The following MYO10 variants were observed in gnomAD, a reference collection of about 807,000 sequenced individuals.
The protein encoded by MYO10 is unconventional myosin-X.
MYO10 carries 133 observed loss-of-function variants against 257.3 expected under a neutral mutation model. That is an observed-to-expected ratio of 0.52 (90% CI 0.45 to 0.60). MYO10 has a LOEUF of 0.60. Ranked by LOEUF, MYO10 falls within the 20% of genes least tolerant of loss-of-function variation. The probability of loss-of-function intolerance (pLI) is 0.00; values close to 1 mark genes in which losing one functional copy is unlikely to be tolerated. For synonymous variants in MYO10, 1,104 were observed against 1,028.6 expected (o/e 1.07, Z -1.40); for missense variants, 2,399 against 2,635.7 (o/e 0.91, Z 1.97).
chr5:16,867,686 G>C (rs1027698488), intron 2 of MYO10, among the ~76,000 whole-genome samples: 1 of 152,224 alleles, frequency 6.6e-6, no homozygotes, highest in African/African-American at 2.4e-5. Flanking sequence ...ATTGCTTTAA[G>C]TGGGAGCTGT....
intron 2 of MYO10, among the ~76,000 whole-genome samples, chr5:16,852,510 T>A (rs1743839412): frequency 6.6e-6 from 1 of 151,916 alleles, no homozygotes. Context: ...TAGACACTAA[T>A]CAAATTTCTT....
rs1738588161 is a variant in MYO10 at position 16,711,180 on chromosome 5, A to G, written c.1995T>C (p.Thr665=). The change falls in exon 20 of 41, where the codon ACT becomes ACC. Residue 665 remains threonine (T), a synonymous_variant. Coordinates refer to ENST00000513610, the MANE Select transcript of MYO10 (RefSeq NM_012334.3). ...CATACCCAGCTTTGCGGATTCTCAC[A>G]GTCTCCAGCATCCCTGAGTACCGCA... ...NQLRYSGMLE[T]VRIRKAGYAV... 1.2e-6 allele frequency: 2 copies of G among 1,613,604 alleles called. No individual in the cohort carries two copies. Among genetic ancestry groups the G allele is most frequent in the Non-Finnish European group, 1.7e-6 (2 of 1,179,800 alleles).
chr5:16,885,192 CT>C lies in MYO10; in HGVS notation c.22-7486del, dbSNP rs57492208. ...CTCTTCCTCCTCTCTGTCCACTCTG[CT>C]TTTTTTTTTTTTTAAGGGAGAGCCG... On this transcript the variant is annotated intron_variant, in intron 1 of 40. Transcript: ENST00000513610. 9.1e-3 allele frequency among the ~76,000 whole-genome samples: 1,307 copies of C among 142,930 alleles called. 10 individuals are homozygous for C. The highest frequency in any genetic ancestry group is 0.02 in the African/African-American group (791 of 39,292). The allele number at this position is 142,930 out of a possible 152,430, so 93.8% of individuals were successfully genotyped here.
chr5:16,733,598 A>G (rs1237545832), intron 19 of MYO10, among the ~76,000 whole-genome samples: 1 of 142,320 alleles, frequency 7.0e-6, no homozygotes, highest in Non-Finnish European at 1.5e-5. Flanking sequence ...TGAGCTGCGC[A>G]TCCTAGGAGT....
chr5:16,766,309 A>G (rs747865003), intron 10 of MYO10, 111 bp from the exon 11 acceptor site: 31 of 762,932 alleles, frequency 4.1e-5, no homozygotes, highest in Admixed American at 2.6e-4. Context: ...CAGAGTTTAG[A>G]GATTGCATGT....
intron 1 of MYO10, among the ~76,000 whole-genome samples, chr5:16,891,380 G>GAAGGAAGA (rs1491574952): frequency 1.8e-5 from 2 of 113,170 alleles, no homozygotes; most frequent in Non-Finnish European, 3.6e-5. Context: ...AGGAAGGAAG[G>GAAGGAAGA]AGAGAGAGAG....
chr5:16,843,667 T>G (rs552563959), intron 2 of MYO10, among the ~76,000 whole-genome samples: 1 of 152,306 alleles, frequency 6.6e-6, no homozygotes, highest in Non-Finnish European at 1.5e-5. Context: ...TTGCTAAAAA[T>G]CAAGTTAAAA....
At chr5:16,674,463 C>CT (rs925847635) in intron 35 of MYO10, among the ~76,000 whole-genome samples, 1 of 151,928 alleles carries the variant, frequency 6.6e-6, no homozygotes, top group Non-Finnish European at 1.5e-5. Context: ...GAGCAAAACT[C>CT]TGTCTCAAAA....
At chr5:16,760,852 T>A (rs1210327485) in intron 17 of MYO10, among the ~76,000 whole-genome samples, 1 of 152,170 alleles carries the variant, frequency 6.6e-6, no homozygotes, top group Non-Finnish European at 1.5e-5. Flanking sequence ...CAGCTTTAAC[T>A]GCTTCAAGGC....
intron 3 of MYO10, among the ~76,000 whole-genome samples, chr5:16,800,517 T>C (rs1742090377): frequency 6.6e-6 from 1 of 152,238 alleles, no homozygotes; most frequent in African/African-American, 2.4e-5. Context: ...CATGTGCTCG[T>C]GGGTTCTTTA....
chr5:16,814,267 G>C (rs943286098), intron 3 of MYO10, among the ~76,000 whole-genome samples: 1 of 151,972 alleles, frequency 6.6e-6, no homozygotes, highest in Admixed American at 6.6e-5. Flanking sequence ...TCAGCCTCCC[G>C]AGTACCTAGG....
rs58734314 is a variant in MYO10 at position 16,875,110 on chromosome 5, A to G, written c.120+2499T>C. Reference sequence around the variant, plus strand: ...TCCCCCTGGGTCCCTCCCACAACACATGGGAATTCTGAGAGATACAATTCA... The same window carrying G: ...TCCCCCTGGGTCCCTCCCACAACACGTGGGAATTCTGAGAGATACAATTCA... On this transcript the variant is annotated intron_variant, in intron 2 of 40. Transcript: ENST00000513610. Among the ~76,000 whole-genome samples, 85 of 152,280 alleles carry G rather than the reference A, an allele frequency of 5.6e-4. 3 individuals carry two copies. The East Asian group carries it at 0.015, about 27-fold the overall frequency.
intron 23 of MYO10, 69 bp from the exon 24 acceptor site, chr5:16,702,657 C>T (rs979864050): frequency 1.5e-5 from 22 of 1,445,548 alleles, no homozygotes; most frequent in African/African-American, 8.5e-5. Flanking sequence ...GAGAGATCTA[C>T]GTTTTTAAAA....
At chr5:16,782,860 C>T (rs1294337187) in intron 5 of MYO10, among the ~76,000 whole-genome samples, 2 of 152,142 alleles carry the variant, frequency 1.3e-5, no homozygotes, top group Admixed American at 1.3e-4. Context: ...ACGAGAGGCC[C>T]GTTCTGCTCA....
At position 16,769,154 on chromosome 5, in the gene MYO10, G is replaced by A. The variant is rs534922308; in HGVS notation, c.980C>T (p.Ser327Leu). ...QFSKEEVREV[S>L]RLLAGILHLG... The stretch of plus-strand genomic sequence containing the variant: ...ATGCAGTATACCAGCAAGCAGCCTC[G>A]ACACTTCCCGAACTTCCTCCTTGCT... The change falls in exon 10 of 41, where the codon TCG becomes TTG. Residue 327 changes from serine to leucine, a missense_variant. Around this residue, in one of 3 missense-constraint regions of MYO10, gnomAD observed 337 missense variants for 446.8 expected, o/e 0.75. Transcript: ENST00000513610. 2.9e-5 allele frequency: 47 copies of A among 1,612,518 alleles called. No individual in the cohort carries two copies. The highest frequency in any genetic ancestry group is 2.1e-4 in the South Asian group (19 of 90,598).
intron 1 of MYO10, among the ~76,000 whole-genome samples, chr5:16,922,795 C>T (rs1746025531): frequency 6.6e-6 from 1 of 152,182 alleles, no homozygotes; most frequent in South Asian, 2.1e-4. Flanking sequence ...CTCTGGGACG[C>T]TGAGGAGGGA....
intron 2 of MYO10, among the ~76,000 whole-genome samples, chr5:16,822,976 C>T (rs1173794977): frequency 3.3e-5 from 5 of 151,890 alleles, no homozygotes; most frequent in Admixed American, 6.6e-5. Context: ...CGTGAGCCAC[C>T]GCACCCGGCC....
Position 16,792,595 on chromosome 5 carries a change from G to A in MYO10, c.467+2051C>T, listed in dbSNP as rs1051297183. Among the ~76,000 whole-genome samples the A allele has an allele frequency of 1.3e-4, 19 of 151,514 alleles. 1 individual carries two copies. The highest frequency in any genetic ancestry group is 1.0e-3 in the Admixed American group (16 of 15,240). ...CTCCCCACAGGAGCGGGGGGCGGGG[G>A]GCTGCTCTAAGTGCTCTGGGGTGAA... On this transcript the variant is annotated intron_variant, in intron 4 of 40. Coordinates refer to ENST00000513610, the MANE Select transcript of MYO10 (RefSeq NM_012334.3).
chr5:16,794,539 G>A lies in MYO10; in HGVS notation c.467+107C>T, dbSNP rs575840838. On this transcript the variant is annotated intron_variant, in intron 4 of 40. Transcript: ENST00000513610. ...AAAACTCTGTCGGAGAAACTCAGGCGGTTGTAAAAGCTTCCTCTGGTTAAT... is the reference window on the plus strand; with the variant it reads ...AAAACTCTGTCGGAGAAACTCAGGCAGTTGTAAAAGCTTCCTCTGGTTAAT... The A allele has an allele frequency of 4.4e-5, 46 of 1,057,366 alleles. No individual in the cohort carries two copies. The African/African-American group carries it at 4.4e-4, about 10-fold the overall frequency. 65.5% of individuals were successfully genotyped at this position (1,057,366 alleles called of 1,614,324 possible). A position where few individuals can be genotyped will look rare whatever the true frequency, so the allele number is the denominator to read the frequency against.
Sources: allele counts gnomAD v4.1 joint callset (sites outside exome capture counted in the v4.1 genomes callset), GRCh38; gene constraint gnomAD v4.1.1; regional missense constraint gnomAD v4.1.1; transcripts MANE v1.5; gene names NCBI Gene and HGNC (gene_info 2026-07-23, HGNC 2026-07-21).